The following BEND2 variants were observed in gnomAD, a reference collection of about 807,000 sequenced individuals.
BEND2 encodes BEN domain containing 2, also known as BEN domain-containing protein 2.
In BEND2, 19 loss-of-function variants were observed where a neutral mutation model predicts 43.8. That is an observed-to-expected ratio of 0.43 (90% CI 0.30 to 0.64). BEND2 has a LOEUF of 0.64. BEND2 is among the 30% of genes least tolerant of loss of function. BEND2 has a pLI of 0.11. For synonymous variants in BEND2, 226 were observed against 210.1 expected, an observed-to-expected ratio of 1.08 and a Z score of -0.66; for missense variants, 544 against 574.0, an observed-to-expected ratio of 0.95 and a Z score of 0.53.
chrX:18,176,987 T>C (rs1415795646), intron 10 of BEND2, among the ~76,000 whole-genome samples: 1 of 110,216 alleles, frequency 9.1e-6, no homozygotes, highest in Non-Finnish European at 1.9e-5. Flanking sequence ...TCCCCAACAC[T>C]ACCACACTGG....
chrX:18,169,920 C>G (rs1450128568), intron 13 of BEND2, among the ~76,000 whole-genome samples: 1 of 111,426 alleles, frequency 9.0e-6, no homozygotes, highest in Non-Finnish European at 1.9e-5. Flanking sequence ...GTAATCTTTT[C>G]CAGATATTAA....
At chrX:18,201,760 T>A (rs1925172645) in intron 6 of BEND2, 55 bp downstream of exon 6, 2 of 1,147,285 alleles carry the variant, frequency 1.7e-6, no homozygotes, top group South Asian at 4.1e-5. Context: ...CCCAAAGTGC[T>A]GGGATTACAA....
At chrX:18,169,150 A>C (rs1200228131) in intron 13 of BEND2, among the ~76,000 whole-genome samples, 1 of 110,393 alleles carries the variant, frequency 9.1e-6, no homozygotes, top group Non-Finnish European at 1.9e-5. Flanking sequence ...ATCTCAAAAA[A>C]AAGAAAAAAT....
rs758632672 is a variant in BEND2 at position 18,203,673 on chromosome X, A to G, written c.735T>C (p.Asn245=). The G allele has an allele frequency of 2.8e-5, 34 of 1,210,295 alleles. No individual in the cohort carries two copies. The highest frequency in any genetic ancestry group is 2.7e-5 in the Non-Finnish European group (24 of 895,131). The part of the protein sequence containing the change: ...NFISGGAEST[N]AVISFANATT... ...TAGCATTGGCAAATGAGATGACAGCATTGGTACTTTCAGCACCTCCACTGA... is the reference window on the plus strand; with the variant it reads ...TAGCATTGGCAAATGAGATGACAGCGTTGGTACTTTCAGCACCTCCACTGA... Residue 245 remains asparagine (N), a synonymous_variant, in exon 5 of 14, where the codon AAT becomes AAC. Transcript: ENST00000380033.
Position 18,174,212 on chromosome X carries a change from G to GC in BEND2, c.1798dup (p.Ala600GlyfsTer5). On this transcript the variant is annotated frameshift_variant, in exon 12 of 14. Transcript: ENST00000380033. LOFTEE classifies it high-confidence loss of function. ...CCTTTGGTCATTTCTATCTGCAGAT[G>GC]CCGATGCAACACGGTTGGTACGTTT... 1 of 1,211,706 alleles carries GC rather than the reference G, an allele frequency of 8.3e-7. No homozygotes were observed. The highest frequency in any genetic ancestry group is 1.7e-5 in the African/African-American group (1 of 57,804).
At chrX:18,197,607 C>T (rs1039023951) in intron 6 of BEND2, among the ~76,000 whole-genome samples, 4 of 111,113 alleles carry the variant, frequency 3.6e-5, no homozygotes, top group East Asian at 2.8e-4. Context: ...TGCCATTTCC[C>T]GAAGAAATTG....
intron 4 of BEND2, among the ~76,000 whole-genome samples, chrX:18,207,817 G>A (rs1194236470): frequency 1.8e-5 from 2 of 111,747 alleles, no homozygotes; most frequent in Non-Finnish European, 3.8e-5. Flanking sequence ...TCAGGAGTTC[G>A]AGGCCAGCCT....
At chrX:18,197,194 G>A (rs979064548) in intron 6 of BEND2, among the ~76,000 whole-genome samples, 2 of 112,065 alleles carry the variant, frequency 1.8e-5, no homozygotes, top group African/African-American at 6.5e-5. Context: ...CAGCACTTTG[G>A]GAGGCCAAGG....
At chrX:18,193,354 G>A (rs1490932624) in intron 7 of BEND2, among the ~76,000 whole-genome samples, 1 of 110,253 alleles carries the variant, frequency 9.1e-6, no homozygotes, top group Non-Finnish European at 1.9e-5. Flanking sequence ...GAAAAGAAAA[G>A]AAAAGAAAAA....
chrX:18,202,943 G>T (rs779984947), intron 5 of BEND2, among the ~76,000 whole-genome samples: 1 of 111,607 alleles, frequency 9.0e-6, no homozygotes, highest in South Asian at 3.8e-4. Context: ...AATAGTACTT[G>T]GCAATAAAGG....
chrX:18,171,465 C>T (rs1923975167), intron 12 of BEND2, among the ~76,000 whole-genome samples: 1 of 111,537 alleles, frequency 9.0e-6, no homozygotes, highest in Non-Finnish European at 1.9e-5. Flanking sequence ...AGCTTAGCCA[C>T]TCAAGTAGCT....
chrX:18,189,966 C>T lies in BEND2; in HGVS notation c.1288+1035G>A, dbSNP rs761380319. Among the ~76,000 whole-genome samples the T allele has an allele frequency of 1.3e-4, 14 of 109,367 alleles. No individual in the cohort carries two copies. The East Asian group carries it at 4.1e-3, about 32-fold the overall frequency. 95.0% of individuals were successfully genotyped at this position (109,367 alleles called of 115,157 possible). ...TCGGGAGGCTGAGGCAGGAGAATCG[C>T]TTGAACCCAGGAGACAGAGGTTGCA... is the stretch of plus-strand genomic sequence containing the variant. On this transcript the variant is annotated intron_variant, in intron 8 of 13. Coordinates refer to ENST00000380033, the MANE Select transcript of BEND2 (RefSeq NM_153346.5).
Position 18,180,670 on chromosome X carries a change from A to T in BEND2, c.1289-20T>A. 1 of 1,144,703 alleles carries T rather than the reference A, an allele frequency of 8.7e-7. No individual in the cohort carries two copies. The highest frequency in any genetic ancestry group is 1.2e-6 in the Non-Finnish European group (1 of 835,508). 94.3% of individuals were successfully genotyped at this position (1,144,703 alleles called of 1,213,427 possible). A position where few individuals can be genotyped will look rare whatever the true frequency, so the allele number is the denominator to read the frequency against. On this transcript the variant is annotated intron_variant, in intron 8 of 13. Transcript: ENST00000380033. Reference sequence around the variant, plus strand: ...ACAGTGCTGAAAGAAAAGAACTCTCAACTGACAATTCTATATCCAGCAAAA... The same window carrying T: ...ACAGTGCTGAAAGAAAAGAACTCTCTACTGACAATTCTATATCCAGCAAAA...
intron 8 of BEND2, among the ~76,000 whole-genome samples, chrX:18,185,533 AAATAATAATAATAATAATAAT>A (rs141832867): frequency 3.4e-5 from 3 of 88,117 alleles, no homozygotes; most frequent in African/African-American, 1.2e-4. Context: ...TCAGTCGCAA[AAATAATAATAATAATAATAAT>A]AATAATAATA....
Position 18,203,705 on chromosome X carries a change from T to C in BEND2, c.703A>G (p.Asn235Asp). The change falls in exon 5 of 14, where the codon AAC (asparagine) becomes GAC (aspartate). Residue 235 changes from asparagine (N) to aspartate (D), a missense_variant. Physicochemically the swap from Asn to Asp is conservative, Grantham distance 23. This residue lies in a region of BEND2 where 501 missense variants were observed against 501.6 expected (regional missense o/e 1.00). Transcript: ENST00000380033. ...GSFPCFGMPW[N>D]FISGGAESTN... ...CTTTCAGCACCTCCACTGATAAAGTTCCATGGCATACCGAAACAAGGAAAT... is the reference window on the plus strand; with the variant it reads ...CTTTCAGCACCTCCACTGATAAAGTCCCATGGCATACCGAAACAAGGAAAT... 8.3e-7 allele frequency: 1 copy of C among 1,210,978 alleles called. No homozygotes were observed. The highest frequency in any genetic ancestry group is 1.1e-6 in the Non-Finnish European group (1 of 894,617).
chrX:18,166,716 C>G (rs565181728), intron 13 of BEND2, among the ~76,000 whole-genome samples: 1 of 109,181 alleles, frequency 9.2e-6, no homozygotes, highest in Admixed American at 9.8e-5. Flanking sequence ...GGTGAAACCC[C>G]GTCTCTACTA....
At chrX:18,167,030 C>T (rs991095451) in intron 13 of BEND2, among the ~76,000 whole-genome samples, 1 of 111,085 alleles carries the variant, frequency 9.0e-6, no homozygotes. Flanking sequence ...CTTGTAATTC[C>T]AGCACTTTGG....
intron 7 of BEND2, among the ~76,000 whole-genome samples, chrX:18,192,169 C>A (rs1924792487): frequency 9.0e-6 from 1 of 111,725 alleles, no homozygotes; most frequent in Non-Finnish European, 1.9e-5. Context: ...TTTTTGCAGA[C>A]CTCTTTCCTG....
intron 12 of BEND2, among the ~76,000 whole-genome samples, chrX:18,171,490 A>C (rs887620741): frequency 9.3e-4 from 103 of 110,834 alleles, no homozygotes; most frequent in African/African-American, 3.2e-3. Context: ...CTATAGGCCC[A>C]CCCCACCACA....
Sources: gnomAD v4.1 joint callset for allele counts (sites outside exome capture counted in the v4.1 genomes callset) on GRCh38, gnomAD v4.1.1 for gene constraint, gnomAD v4.1.1 regional missense constraint, MANE v1.5 for transcripts, NCBI Gene and HGNC (gene_info 2026-07-23, HGNC 2026-07-21) for gene names.